Variants in GTF2H1 observed in about 807,000 individuals in gnomAD.
GTF2H1 encodes the protein general transcription factor IIH subunit 1.
GTF2H1 carries 16 observed loss-of-function variants against 71.2 expected under a neutral mutation model. The observed-to-expected ratio is 0.22, with a 90% CI of 0.15 to 0.34. GTF2H1 has a LOEUF of 0.34. Ranked by LOEUF, GTF2H1 falls within the 10% of genes least tolerant of loss-of-function variation. GTF2H1 has a pLI of 1.00. For synonymous variants in GTF2H1, 215 were observed against 219.0 expected (o/e 0.98, Z 0.16); for missense variants, 498 against 648.2 (o/e 0.77, Z 2.52).
At chr11:18,330,678 C>G (rs1160856778) in intron 1 of GTF2H1, among the ~76,000 whole-genome samples, 2 of 151,818 alleles carry the variant, frequency 1.3e-5, no homozygotes, top group South Asian at 2.1e-4. Flanking sequence ...ACCAGCCTGA[C>G]TCCTTTTCCC....
At chr11:18,358,246 G>A (rs1590198865) in intron 12 of GTF2H1, 3 of 594,380 alleles carry the variant, frequency 5.0e-6, no homozygotes, top group African/African-American at 3.7e-5. Context: ...ACAAATAGTG[G>A]TACATTGCTA....
intron 7 of GTF2H1, 46 bp downstream of exon 7, chr11:18,341,653 A>G (rs1271382592): frequency 1.7e-6 from 2 of 1,195,408 alleles, no homozygotes; most frequent in African/African-American, 1.5e-5. Context: ...GTCTTTTCCT[A>G]GTCTTCAACA....
chr11:18,345,796 G>GTTTTTTTTTTTT (rs1554955087), intron 7 of GTF2H1, among the ~76,000 whole-genome samples: 1 of 125,218 alleles, frequency 8.0e-6, no homozygotes, highest in African/African-American at 3.0e-5. Context: ...GCACATATGA[G>GTTTTTTTTTTTT]TTTTTTTTTT....
intron 14 of GTF2H1, among the ~76,000 whole-genome samples, chr11:18,361,969 A>G (rs1865713603): frequency 6.6e-6 from 1 of 152,216 alleles, no homozygotes; most frequent in African/African-American, 2.4e-5. Flanking sequence ...CAGTTATACA[A>G]GCCCTCCCAG....
intron 11 of GTF2H1, among the ~76,000 whole-genome samples, chr11:18,357,213 C>T (rs936672087): frequency 6.6e-6 from 1 of 152,140 alleles, no homozygotes; most frequent in Non-Finnish European, 1.5e-5. Flanking sequence ...TTGTTCCTCC[C>T]TATAGCAGTG....
At chr11:18,356,105 C>T (rs1032996018) in intron 11 of GTF2H1, among the ~76,000 whole-genome samples, 8 of 151,992 alleles carry the variant, frequency 5.3e-5, no homozygotes, top group African/African-American at 1.5e-4. Context: ...GATCTGGGAC[C>T]GGGCACAGTG....
At chr11:18,356,640 A>C (rs973821118) in intron 11 of GTF2H1, among the ~76,000 whole-genome samples, 10 of 152,104 alleles carry the variant, frequency 6.6e-5, no homozygotes. Flanking sequence ...ACTGGAGTGC[A>C]GTAGCACTAT....
intron 8 of GTF2H1, 57 bp from the exon 9 acceptor site, chr11:18,347,775 T>G: frequency 1.9e-6 from 3 of 1,595,876 alleles, no homozygotes; most frequent in South Asian, 1.1e-5. Context: ...GATGGAGTTG[T>G]GGTGTTGTTT....
chr11:18,350,358 A>G (rs1865395724), intron 9 of GTF2H1, among the ~76,000 whole-genome samples: 2 of 152,194 alleles, frequency 1.3e-5, no homozygotes, highest in Non-Finnish European at 2.9e-5. Context: ...GGGTAGAGAT[A>G]AGCTTGACAT....
At chr11:18,325,603 A>G (rs1476100680) in intron 1 of GTF2H1, among the ~76,000 whole-genome samples, 2 of 152,210 alleles carry the variant, frequency 1.3e-5, no homozygotes, top group Non-Finnish European at 2.9e-5. Flanking sequence ...TCACATTAAA[A>G]ATTATGTTGT....
chr11:18,332,020 C>G (rs1864911173), intron 1 of GTF2H1, among the ~76,000 whole-genome samples: 1 of 152,026 alleles, frequency 6.6e-6, no homozygotes, highest in Non-Finnish European at 1.5e-5. Context: ...CAGACGGGGT[C>G]TCACTTTGTT....
At chr11:18,346,712 A>G (rs964872947) in intron 7 of GTF2H1, among the ~76,000 whole-genome samples, 4 of 141,248 alleles carry the variant, frequency 2.8e-5, no homozygotes, top group African/African-American at 1.1e-4. Context: ...TTTTCTCACT[A>G]TATTCTATTC....
chr11:18,356,870 G>T (rs926613623), intron 11 of GTF2H1, among the ~76,000 whole-genome samples: 4 of 147,762 alleles, frequency 2.7e-5, no homozygotes, highest in Non-Finnish European at 5.9e-5. Flanking sequence ...GCTCACTGCA[G>T]CCTCAACTTC....
chr11:18,326,515 CCTT>C (rs1236155977), intron 1 of GTF2H1, among the ~76,000 whole-genome samples: 13 of 30,818 alleles, frequency 4.2e-4, no homozygotes, highest in East Asian at 9.5e-4. Flanking sequence ...GAACAAGACT[CCTT>C]CTCAAAAAAA....
chr11:18,360,387 C>T (rs1590200112), intron 13 of GTF2H1, among the ~76,000 whole-genome samples: 1 of 152,174 alleles, frequency 6.6e-6, no homozygotes, highest in Non-Finnish European at 1.5e-5. Context: ...TCCCAAAGTG[C>T]TGGGATTACA....
intron 5 of GTF2H1, among the ~76,000 whole-genome samples, chr11:18,340,381 A>T (rs1865129040): frequency 3.3e-5 from 5 of 151,764 alleles, no homozygotes. Context: ...TCCGCCTCCC[A>T]GGCTCAAGTG....
Position 18,360,708 on chromosome 11 carries a change from G to C in GTF2H1, c.1560+1G>C. The C allele has an allele frequency of 6.7e-7, 1 of 1,486,692 alleles. No homozygotes were observed. The allele number at this position is 1,486,692 out of a possible 1,614,324, so 92.1% of individuals were successfully genotyped here. ...TCGGAGACAGTATTTAAGCACAAAT[G>C]TAAGGCAGCAATCTGATTTTTGCCT... On this transcript the variant is annotated splice_donor_variant, in intron 14 of 14. Transcript: ENST00000265963. LOFTEE classifies it high-confidence loss of function.
intron 14 of GTF2H1, chr11:18,360,909 G>A (rs1280296270): frequency 1.4e-5 from 6 of 434,780 alleles, no homozygotes; most frequent in African/African-American, 6.4e-5. Flanking sequence ...GGGTTCAAGC[G>A]ATTCTCCTGC....
In GTF2H1 at chr11:18,324,130, A is replaced by C. The variant is rs570188171; in HGVS notation, c.-16+1390A>C. 4 of 151,844 alleles carry C rather than the reference A, an allele frequency of 2.6e-5. No individual in the cohort carries two copies. The South Asian group carries it at 8.3e-4, about 32-fold the overall frequency. 9.4% of individuals were successfully genotyped at this position (151,844 alleles called of 1,614,324 possible). A position where few individuals can be genotyped will look rare whatever the true frequency, so the allele number is the denominator to read the frequency against. ...CAATGGCGCGATCTCTGCTCACTGC[A>C]ACCTCCATCTACCGGGTTCAAGGGC... On this transcript the variant is annotated intron_variant, in intron 1 of 14. Coordinates refer to ENST00000265963, the MANE Select transcript of GTF2H1 (RefSeq NM_005316.4).
Sources: allele counts gnomAD v4.1 joint callset (sites outside exome capture counted in the v4.1 genomes callset), GRCh38; gene constraint gnomAD v4.1.1; transcripts MANE v1.5; gene names NCBI Gene and HGNC (gene_info 2026-07-23, HGNC 2026-07-21).